Variants in PATJ observed in about 807,000 individuals in gnomAD.
The protein encoded by PATJ is PATJ crumbs cell polarity complex component.
PATJ carries 190 observed loss-of-function variants against 224.9 expected under a neutral mutation model. That is an observed-to-expected ratio of 0.84 (90% CI 0.75 to 0.95). The LOEUF (loss-of-function observed/expected upper bound fraction) is 0.95, where lower values mean the gene tolerates loss of function less well. Ranked by LOEUF, PATJ falls within the 40% of genes least tolerant of loss-of-function variation. The pLI is 0.00. For synonymous variants in PATJ, 769 were observed against 820.3 expected (o/e 0.94, Z 1.07); for missense variants, 2,121 against 2,270.3 (o/e 0.93, Z 1.34).
intron 33 of PATJ, among the ~76,000 whole-genome samples, chr1:62,095,796 ACCATTGC>A (rs1040509916): frequency 1.7e-4 from 26 of 152,326 alleles, no homozygotes; most frequent in African/African-American, 5.8e-4. Context: ...TGAAGAGTGA[ACCATTGC>A]TGCTAGGGGA....
intron 27 of PATJ, among the ~76,000 whole-genome samples, chr1:61,935,689 G>A (rs538543280): frequency 2.6e-5 from 4 of 152,166 alleles, no homozygotes; most frequent in Admixed American, 2.0e-4. Context: ...TACTCAGGAG[G>A]CTGGGGCAGG....
At chr1:62,048,694 T>G (rs773291426) in intron 30 of PATJ, among the ~76,000 whole-genome samples, 2 of 152,004 alleles carry the variant, frequency 1.3e-5, no homozygotes, top group Non-Finnish European at 2.9e-5. Context: ...AGCAACCTTA[T>G]AGGGTAGTAT....
intron 26 of PATJ, among the ~76,000 whole-genome samples, chr1:61,921,783 CA>C: frequency 6.6e-6 from 1 of 152,010 alleles, no homozygotes; most frequent in East Asian, 1.9e-4. Context: ...AATGAGGTGT[CA>C]GGGGAAGAGG....
chr1:61,927,335 A>G (rs922429306), intron 26 of PATJ, among the ~76,000 whole-genome samples: 3 of 152,198 alleles, frequency 2.0e-5, no homozygotes, highest in Non-Finnish European at 4.4e-5. Context: ...AATTAATACA[A>G]TGGATAGTTT....
At chr1:61,875,563 A>G in intron 21 of PATJ, 197 bp downstream of exon 21, 1 of 428,952 alleles carries the variant, frequency 2.3e-6, no homozygotes, top group Non-Finnish European at 4.2e-6. Context: ...GAGTTTTCAG[A>G]TTCTGTTTTT....
At position 61,771,596 on chromosome 1, in the gene PATJ, CA is replaced by C; in HGVS notation, c.691del (p.Ser231AlafsTer2). 3 of 1,606,240 alleles carry C rather than the reference CA, an allele frequency of 1.9e-6. No individual in the cohort carries two copies. The highest frequency in any genetic ancestry group is 2.5e-6 in the Non-Finnish European group (3 of 1,177,816). The part of the protein sequence containing the change: ...PVHTKSSTSS[S>X]LNDTTLPETV... Reference sequence around the variant, plus strand: ...TCCACACAAAAAGCAGTACTTCTAGCAGCCTAAATGATACAACTCTGCCTGA... The same window carrying C: ...TCCACACAAAAAGCAGTACTTCTAGCGCCTAAATGATACAACTCTGCCTGA... On this transcript the variant is annotated frameshift_variant, in exon 6 of 44. Transcript: ENST00000642238. LOFTEE classifies it high-confidence loss of function.
chr1:61,829,393 G>A (rs1658911348), intron 16 of PATJ, among the ~76,000 whole-genome samples: 1 of 152,134 alleles, frequency 6.6e-6, no homozygotes, highest in African/African-American at 2.4e-5. Context: ...AATATGGGTG[G>A]TGGCTTCCCT....
chr1:61,921,324 A>T (rs1674301778), intron 26 of PATJ, among the ~76,000 whole-genome samples: 1 of 152,216 alleles, frequency 6.6e-6, no homozygotes, highest in African/African-American at 2.4e-5. Context: ...TTGTCTGTTT[A>T]ACTGGATTGG....
chr1:62,121,113 G>T, intron 37 of PATJ, 68 bp from the exon 38 acceptor site: 1 of 947,030 alleles, frequency 1.1e-6, no homozygotes, highest in Non-Finnish European at 1.7e-6. Context: ...GCACACTAAT[G>T]GATAAGTATG....
chr1:61,815,101 T>G (rs1655834642), intron 14 of PATJ, among the ~76,000 whole-genome samples: 1 of 152,102 alleles, frequency 6.6e-6, no homozygotes, highest in Admixed American at 6.6e-5. Flanking sequence ...AAACAGTAAA[T>G]TGAGCATAAC....
At chr1:61,780,079 T>C (rs1406026726) in intron 7 of PATJ, among the ~76,000 whole-genome samples, 3 of 152,110 alleles carry the variant, frequency 2.0e-5, no homozygotes, top group African/African-American at 7.2e-5. Flanking sequence ...GGGGATGAGA[T>C]TTCAACATGA....
intron 28 of PATJ, among the ~76,000 whole-genome samples, chr1:62,008,644 G>A (rs911301785): frequency 3.9e-5 from 6 of 152,152 alleles, no homozygotes; most frequent in African/African-American, 1.4e-4. Flanking sequence ...AGCTACTCAG[G>A]AAGCTGAGGT....
chr1:62,159,510 T>C (rs922002170), intron 43 of PATJ, among the ~76,000 whole-genome samples: 4 of 151,624 alleles, frequency 2.6e-5, no homozygotes, highest in Non-Finnish European at 5.9e-5. Flanking sequence ...GTTATTAATA[T>C]TTAGTTTTGA....
Position 62,144,773 on chromosome 1 carries a change from A to ATATATATATATATATAT in PATJ, c.5272-3511_5272-3510insTATATATATATATATAT, listed in dbSNP as rs1017771263. ...GCTCTAGAATGTTATTTGCAAAAAA[A>ATATATATATATATATAT]AAAAATATATATATATATATATAAT... On this transcript the variant is annotated intron_variant, in intron 41 of 43. Transcript: ENST00000642238. Among the ~76,000 whole-genome samples, 8 of 86,908 alleles carry ATATATATATATATATAT rather than the reference A, an allele frequency of 9.2e-5. No homozygotes were observed. In the South Asian group the frequency reaches 1.7e-3, roughly 18 times the overall value. The allele number at this position is 86,908 out of a possible 152,430, so 57.0% of individuals were successfully genotyped here. A position where few individuals can be genotyped will look rare whatever the true frequency, so the allele number is the denominator to read the frequency against.
intron 39 of PATJ, among the ~76,000 whole-genome samples, chr1:62,126,737 A>G (rs374708298): frequency 6.6e-6 from 1 of 152,262 alleles, no homozygotes; most frequent in East Asian, 1.9e-4. Flanking sequence ...CCAGAAGAGC[A>G]TAGTATGTGT....
At chr1:62,048,545 C>CAAAAA (rs773157635) in intron 30 of PATJ, among the ~76,000 whole-genome samples, 417 of 66,166 alleles carry the variant, frequency 6.3e-3, no homozygotes, top group East Asian at 0.016. Flanking sequence ...GACTCTGTCT[C>CAAAAA]AAAAAAAAAA....
chr1:62,050,948 C>G lies in PATJ; in HGVS notation c.4033-18C>G, dbSNP rs1478676146. On this transcript the variant is annotated intron_variant, in intron 30 of 43. Transcript: ENST00000642238. ...TGAAGAATGACATCTTTGCCATTTT[C>G]TTTTTAACGTTCCATAGGATCAGAG... 1 of 1,599,404 alleles carries G rather than the reference C, an allele frequency of 6.3e-7. No individual in the cohort carries two copies. Among genetic ancestry groups the G allele is most frequent in the South Asian group, 1.1e-5 (1 of 90,266 alleles).
chr1:62,127,463 A>G (rs1207816121), intron 39 of PATJ, among the ~76,000 whole-genome samples: 1 of 151,350 alleles, frequency 6.6e-6, no homozygotes, highest in Non-Finnish European at 1.5e-5. Flanking sequence ...GATTCTGACA[A>G]CTTTCACAAG....
chr1:61,976,520 C>A (rs1644140873), intron 27 of PATJ, among the ~76,000 whole-genome samples: 1 of 151,996 alleles, frequency 6.6e-6, no homozygotes. Context: ...GATTCTCCTG[C>A]CTCAGCCTCC....
Sources: gnomAD v4.1 joint callset for allele counts (sites outside exome capture counted in the v4.1 genomes callset) on GRCh38, gnomAD v4.1.1 for gene constraint, MANE v1.5 for transcripts, NCBI Gene and HGNC (gene_info 2026-07-23, HGNC 2026-07-21) for gene names.